FIGN: variants seen among roughly 807,000 people sequenced by gnomAD.
FIGN encodes fidgetin, microtubule severing factor, also known as fidgetin.
Under a neutral mutation model 51.3 loss-of-function variants are expected in FIGN, and 11 were observed. The observed-to-expected ratio is 0.21, with a 90% CI of 0.13 to 0.35. FIGN has a LOEUF of 0.35. Ranked by LOEUF, FIGN falls within the 10% of genes least tolerant of loss-of-function variation. FIGN has a pLI of 1.00. For synonymous variants in FIGN, 407 were observed against 363.2 expected (o/e 1.12, Z -1.37); for missense variants, 857 against 943.6 (o/e 0.91, Z 1.20).
At chr2:163,715,121 C>T (rs1216915657) in intron 2 of FIGN, among the ~76,000 whole-genome samples, 1 of 152,224 alleles carries the variant, frequency 6.6e-6, no homozygotes, top group Non-Finnish European at 1.5e-5. Flanking sequence ...CTGTCTGTGG[C>T]TATGCCTGGT....
At chr2:163,735,270 C>T (rs1035451518) in intron 1 of FIGN, among the ~76,000 whole-genome samples, 198 bp from the exon 2 acceptor site, 1 of 152,152 alleles carries the variant, frequency 6.6e-6, no homozygotes, top group Admixed American at 6.5e-5. Flanking sequence ...TTAAATTATA[C>T]ATCTTTCTCT....
At chr2:163,699,577 G>T (rs1406394120) in intron 2 of FIGN, among the ~76,000 whole-genome samples, 1 of 152,166 alleles carries the variant, frequency 6.6e-6, no homozygotes, top group East Asian at 1.9e-4. Flanking sequence ...CCAAAAAAAT[G>T]ATAAAAAATA....
At chr2:163,618,822 G>A (rs1295348222) in intron 2 of FIGN, among the ~76,000 whole-genome samples, 1 of 151,948 alleles carries the variant, frequency 6.6e-6, no homozygotes, top group East Asian at 1.9e-4. Context: ...TTTAAATTTA[G>A]GACTCCACTT....
intron 2 of FIGN, among the ~76,000 whole-genome samples, chr2:163,649,428 T>A (rs141097385): frequency 6.6e-6 from 1 of 152,132 alleles, no homozygotes; most frequent in Admixed American, 6.5e-5. Flanking sequence ...TGTGAAGAAG[T>A]CTGCCCACCC....
intron 2 of FIGN, among the ~76,000 whole-genome samples, chr2:163,734,216 C>T (rs750267144): frequency 7.2e-5 from 11 of 151,856 alleles, no homozygotes; most frequent in Non-Finnish European, 1.6e-4. Context: ...AAAGCGCTGA[C>T]AGGCAGACGA....
chr2:163,612,114 G>A lies in FIGN; in HGVS notation c.26-308C>T, dbSNP rs552127215. ...AAGCCCATCAGCTTACCTACTATAC[G>A]CACATACACAATCACATATATATGT... On this transcript the variant is annotated intron_variant, in intron 2 of 2. Coordinates refer to ENST00000333129, the MANE Select transcript of FIGN (RefSeq NM_018086.4). Among the ~76,000 whole-genome samples the A allele has an allele frequency of 9.9e-4, 150 of 152,164 alleles. 1 individual carries two copies. The highest frequency in any genetic ancestry group is 2.6e-3 in the Admixed American group (40 of 15,286).
At chr2:163,727,636 A>G (rs1420115544) in intron 2 of FIGN, among the ~76,000 whole-genome samples, 5 of 152,012 alleles carry the variant, frequency 3.3e-5, no homozygotes, top group Admixed American at 3.3e-4. Context: ...AAAGCCCCCC[A>G]CTTTCACCCC....
chr2:163,617,186 C>T, intron 2 of FIGN: 1 of 984,998 alleles, frequency 1.0e-6, no homozygotes, highest in Non-Finnish European at 1.2e-6. Context: ...ATAAAATCTA[C>T]AAGTAACAGA....
At chr2:163,660,858 C>CATATATAT (rs1289524694) in intron 2 of FIGN, among the ~76,000 whole-genome samples, 2 of 23,418 alleles carry the variant, frequency 8.5e-5, no homozygotes, top group African/African-American at 3.9e-4. Flanking sequence ...TATATGTATA[C>CATATATAT]ATATATATAT....
chr2:163,653,647 T>C (rs1683512213), intron 2 of FIGN, among the ~76,000 whole-genome samples: 1 of 152,098 alleles, frequency 6.6e-6, no homozygotes. Flanking sequence ...ATGTTTTATA[T>C]CAGAAAGTCA....
chr2:163,604,130 A>C lies in FIGN; in HGVS notation c.*5422T>G, dbSNP rs1419374600. The C allele has an allele frequency of 6.6e-6, 1 of 152,124 alleles. No homozygotes were observed. Among genetic ancestry groups the C allele is most frequent in the Non-Finnish European group, 1.5e-5 (1 of 67,990 alleles). The allele number at this position is 152,124 out of a possible 1,614,324, so 9.4% of individuals were successfully genotyped here. ...AATTTATATCAGGAGTCACAGAATTAAAATGAAGGCATTTTCAATCACTGA... is the reference window on the plus strand; with the variant it reads ...AATTTATATCAGGAGTCACAGAATTCAAATGAAGGCATTTTCAATCACTGA... On this transcript the variant is annotated 3_prime_UTR_variant, in exon 3 of 3. Coordinates refer to ENST00000333129, the MANE Select transcript of FIGN (RefSeq NM_018086.4).
At chr2:163,690,371 A>G (rs1684221771) in intron 2 of FIGN, among the ~76,000 whole-genome samples, 1 of 152,180 alleles carries the variant, frequency 6.6e-6, no homozygotes, top group Non-Finnish European at 1.5e-5. Flanking sequence ...TTATACATTT[A>G]TGGGGAAATA....
chr2:163,628,236 A>T (rs1180766846), intron 2 of FIGN, among the ~76,000 whole-genome samples: 1 of 136,614 alleles, frequency 7.3e-6, no homozygotes, highest in Non-Finnish European at 1.6e-5. Context: ...TTCCAAATCT[A>T]ATAGAGAGAG....
rs138908385 is a variant in FIGN at position 163,606,026 on chromosome 2, T to C, written c.*3526A>G. 1 of 152,176 alleles carries C rather than the reference T, an allele frequency of 6.6e-6. No individual in the cohort carries two copies. The highest frequency in any genetic ancestry group is 2.4e-5 in the African/African-American group (1 of 41,544). The allele number at this position is 152,176 out of a possible 1,614,324, so 9.4% of individuals were successfully genotyped here. ...GCTTTTATCACTTTCCCAGATGGTG[T>C]TTGGCCTATGTATTTTAGTGGAATG... On this transcript the variant is annotated 3_prime_UTR_variant, in exon 3 of 3. Coordinates refer to ENST00000333129, the MANE Select transcript of FIGN (RefSeq NM_018086.4).
chr2:163,695,344 C>G (rs1450839377), intron 2 of FIGN, among the ~76,000 whole-genome samples: 2 of 152,116 alleles, frequency 1.3e-5, no homozygotes, highest in Admixed American at 1.3e-4. Flanking sequence ...TGCCTCTTGA[C>G]TACCTAATGC....
intron 2 of FIGN, among the ~76,000 whole-genome samples, chr2:163,642,854 G>A (rs1439422669): frequency 1.3e-5 from 2 of 152,032 alleles, no homozygotes; most frequent in Non-Finnish European, 2.9e-5. Context: ...CATATACTCT[G>A]AAAACTACAA....
rs1386888347 is a variant in FIGN, at chr2:163,708,361, T to C, written c.25+26542A>G. Among the ~76,000 whole-genome samples the C allele has an allele frequency of 2.0e-5, 3 of 152,168 alleles. No homozygotes were observed. In the East Asian group the frequency reaches 5.8e-4, roughly 29 times the overall value. ...GTACAAACTCAGTCATTCAATAAAA[T>C]GTTGTAGTCCTTTGGTGTGTTTCTA... On this transcript the variant is annotated intron_variant, in intron 2 of 2. Transcript: ENST00000333129.
At chr2:163,614,416 G>A (rs1262263780) in intron 2 of FIGN, among the ~76,000 whole-genome samples, 1 of 152,116 alleles carries the variant, frequency 6.6e-6, no homozygotes, top group African/African-American at 2.4e-5. Context: ...TTATAAAAAG[G>A]AGAGAATATT....
chr2:163,731,318 G>A (rs1005227585), intron 2 of FIGN, among the ~76,000 whole-genome samples: 16 of 152,084 alleles, frequency 1.1e-4, no homozygotes, highest in Non-Finnish European at 2.2e-4. Flanking sequence ...TTTTCAGGTG[G>A]TTTATATCTT....
Sources: allele counts gnomAD v4.1 joint callset (sites outside exome capture counted in the v4.1 genomes callset), GRCh38; gene constraint gnomAD v4.1.1; transcripts MANE v1.5; gene names NCBI Gene and HGNC (gene_info 2026-07-23, HGNC 2026-07-21).